Variants in PNLIPRP3 observed in about 807,000 individuals in gnomAD.
PNLIPRP3 encodes the protein pancreatic lipase related protein 3.
A neutral mutation model predicts 52.8 loss-of-function variants in PNLIPRP3; 58 were observed. The observed-to-expected ratio is 1.10, with a 90% CI of 0.89 to 1.37. The LOEUF (loss-of-function observed/expected upper bound fraction) is 1.37, where lower values mean the gene tolerates loss of function less well. Ranked by LOEUF, PNLIPRP3 falls within the 40% of genes most tolerant of loss-of-function variation. The pLI is 0.00. For synonymous variants in PNLIPRP3, 192 were observed against 185.0 expected, an observed-to-expected ratio of 1.04 and a Z score of -0.31; for missense variants, 593 against 561.6, an observed-to-expected ratio of 1.06 and a Z score of -0.57.
At chr10:116,453,678 C>T (rs1846071604) in intron 4 of PNLIPRP3, among the ~76,000 whole-genome samples, 1 of 152,034 alleles carries the variant, frequency 6.6e-6, no homozygotes, top group African/African-American at 2.4e-5. Context: ...ACGGCCCCTC[C>T]CCACTTGCCT....
intron 8 of PNLIPRP3, among the ~76,000 whole-genome samples, chr10:116,468,799 C>A (rs1021518090): frequency 6.6e-6 from 1 of 152,070 alleles, no homozygotes; most frequent in Non-Finnish European, 1.5e-5. Context: ...ATGAGAATTC[C>A]CCTATTACAC....
chr10:116,430,081 G>A (rs1215307334), intron 1 of PNLIPRP3, among the ~76,000 whole-genome samples: 2 of 152,154 alleles, frequency 1.3e-5, no homozygotes, highest in East Asian at 3.9e-4. Flanking sequence ...CAGTAGGTGA[G>A]AGAAGATGGA....
chr10:116,457,670 A>G (rs963627114), intron 5 of PNLIPRP3, among the ~76,000 whole-genome samples: 2 of 152,210 alleles, frequency 1.3e-5, no homozygotes, highest in African/African-American at 4.8e-5. Context: ...AAAAAGAAGG[A>G]ATGAGTTCCT....
chr10:116,435,656 G>A (rs35445451), intron 1 of PNLIPRP3, among the ~76,000 whole-genome samples: 1,523 of 152,226 alleles, frequency 0.01, 18 homozygotes, highest in Non-Finnish European at 0.013. Flanking sequence ...TAAGGTTTTG[G>A]TTTACATTTC....
At chr10:116,439,403 A>G in intron 2 of PNLIPRP3, 1 of 552,430 alleles carries the variant, frequency 1.8e-6, no homozygotes, top group Non-Finnish European at 3.3e-6. Flanking sequence ...AAATGTGTCA[A>G]TTACAGAGCT....
chr10:116,469,421 G>C (rs1365576110), intron 9 of PNLIPRP3, 104 bp downstream of exon 9: 1 of 1,195,934 alleles, frequency 8.4e-7, no homozygotes, highest in Non-Finnish European at 1.1e-6. Flanking sequence ...CATTAGGCCA[G>C]ACTGGGATTT....
chr10:116,443,633 A>AGTGT (rs1274862772), intron 3 of PNLIPRP3, among the ~76,000 whole-genome samples: 23 of 2,350 alleles, frequency 9.8e-3, no homozygotes, highest in Middle Eastern at 0.5. Flanking sequence ...TATATAACAC[A>AGTGT]TATATATAAC....
At chr10:116,454,321 T>C (rs1466623835) in intron 4 of PNLIPRP3, among the ~76,000 whole-genome samples, 1 of 152,152 alleles carries the variant, frequency 6.6e-6, no homozygotes, top group Non-Finnish European at 1.5e-5. Flanking sequence ...GGTTTCACTA[T>C]GTTGGTCAGG....
intron 2 of PNLIPRP3, among the ~76,000 whole-genome samples, chr10:116,441,404 G>A (rs757525096): frequency 9.9e-5 from 15 of 151,994 alleles, no homozygotes; most frequent in African/African-American, 1.4e-4. Flanking sequence ...AATTTTTTTC[G>A]GACTAAATTC....
intron 9 of PNLIPRP3, among the ~76,000 whole-genome samples, chr10:116,470,123 G>C (rs1034918418): frequency 4.6e-5 from 7 of 151,720 alleles, no homozygotes; most frequent in Non-Finnish European, 1.0e-4. Context: ...TGAGCTTGAC[G>C]ACACAGGAAG....
intron 4 of PNLIPRP3, among the ~76,000 whole-genome samples, chr10:116,448,690 GTGTTTTGTTT>G (rs55781366): frequency 1.0e-3 from 154 of 147,732 alleles, no homozygotes; most frequent in African/African-American, 2.1e-3. Flanking sequence ...CTATAAAAAG[GTGTTTTGTTT>G]TGTTTTGTTT....
chr10:116,432,714 T>A (rs1226532058), intron 1 of PNLIPRP3, among the ~76,000 whole-genome samples: 1 of 152,160 alleles, frequency 6.6e-6, no homozygotes, highest in East Asian at 1.9e-4. Flanking sequence ...AAATTCTAGA[T>A]GAAAGTCTTA....
At chr10:116,467,892 G>A (rs1191406917) in intron 8 of PNLIPRP3, among the ~76,000 whole-genome samples, 2 of 151,826 alleles carry the variant, frequency 1.3e-5, no homozygotes, top group East Asian at 1.9e-4. Flanking sequence ...TTGGGAGGCC[G>A]AGGAAGGCGG....
At chr10:116,439,419 A>G (rs1312887318) in intron 2 of PNLIPRP3, 9 of 588,582 alleles carry the variant, frequency 1.5e-5, no homozygotes, top group Non-Finnish European at 2.8e-5. Context: ...GAGCTCCCCT[A>G]CTCTAAGTAT....
At chr10:116,464,288 A>G (rs1389386724) in intron 7 of PNLIPRP3, among the ~76,000 whole-genome samples, 3 of 152,186 alleles carry the variant, frequency 2.0e-5, no homozygotes, top group East Asian at 1.9e-4. Flanking sequence ...TAACTGGTCT[A>G]CAATGGAGAT....
At chr10:116,460,839 T>C in intron 5 of PNLIPRP3, 127 bp from the exon 6 acceptor site, 1 of 1,270,456 alleles carries the variant, frequency 7.9e-7, no homozygotes, top group Non-Finnish European at 1.1e-6. Flanking sequence ...TTAGGTTATG[T>C]ATCTGTACTT....
At chr10:116,433,114 CAAAAAAAA>C (rs71010080) in intron 1 of PNLIPRP3, among the ~76,000 whole-genome samples, 13 of 8,498 alleles carry the variant, frequency 1.5e-3, no homozygotes, top group Non-Finnish European at 2.1e-3. Flanking sequence ...AACTCCATCT[CAAAAAAAA>C]AAAAAAAAAA....
At chr10:116,469,417 G>A in intron 9 of PNLIPRP3, 100 bp downstream of exon 9, 1 of 1,217,950 alleles carries the variant, frequency 8.2e-7, no homozygotes, top group Non-Finnish European at 1.1e-6. Context: ...TGGGCATTAG[G>A]CCAGACTGGG....
rs753171313 is a variant in PNLIPRP3, at chr10:116,477,556, A to G, written c.*403A>G. On this transcript the variant is annotated 3_prime_UTR_variant, in exon 12 of 12. Transcript: ENST00000369230. ...TAATCATTGTTCTAAAATTATATAAAACTATTTGTTATGTTGTTAAATCTT... is the reference window on the plus strand; with the variant it reads ...TAATCATTGTTCTAAAATTATATAAGACTATTTGTTATGTTGTTAAATCTT... 37 of 156,266 alleles carry G rather than the reference A, an allele frequency of 2.4e-4. No homozygotes were observed. Among genetic ancestry groups the G allele is most frequent in the Admixed American group, 1.2e-3 (19 of 15,562 alleles). 9.7% of individuals were successfully genotyped at this position (156,266 alleles called of 1,614,324 possible).
Sources: allele counts gnomAD v4.1 joint callset (sites outside exome capture counted in the v4.1 genomes callset), GRCh38; gene constraint gnomAD v4.1.1; transcripts MANE v1.5; gene names NCBI Gene and HGNC (gene_info 2026-07-23, HGNC 2026-07-21).